Variants in TRIM65 observed in about 807,000 individuals in gnomAD.
TRIM65 encodes tripartite motif containing 65.
TRIM65 carries 46 observed loss-of-function variants against 36.1 expected under a neutral mutation model. That is an observed-to-expected ratio of 1.27 (90% CI 1.01 to 1.63). The LOEUF is 1.63. Among genes scored for constraint, TRIM65 ranks in the 40% most tolerant of loss-of-function variants. The pLI is 0.00. For synonymous variants in TRIM65, 346 were observed against 313.6 expected (o/e 1.10, Z -1.09); for missense variants, 708 against 696.6 (o/e 1.02, Z -0.18).
rs986766694 is a variant in TRIM65 at position 75,896,436 on chromosome 17, G to A, written c.414+88C>T. The A allele has an allele frequency of 5.7e-6, 7 of 1,226,010 alleles. No individual in the cohort carries two copies. The South Asian group carries it at 2.1e-4, about 37-fold the overall frequency. The allele number at this position is 1,226,010 out of a possible 1,614,324, so 75.9% of individuals were successfully genotyped here. On this transcript the variant is annotated intron_variant, in intron 1 of 5. Transcript: ENST00000269383. ...CTCCCCGCCCCCGCCGGGTGCCCGA[G>A]AGAGCAGGGCGCGGCCCGCAGGAGT...
At chr17:75,892,240 C>T (rs753626096) in intron 3 of TRIM65, 27 bp downstream of exon 3, 25 of 1,598,336 alleles carry the variant, frequency 1.6e-5, no homozygotes, top group African/African-American at 5.4e-5. Context: ...GAAGCAAGTC[C>T]GCCACCTATG....
At position 75,896,515 on chromosome 17, in the gene TRIM65, A is replaced by T; in HGVS notation, c.414+9T>A. The T allele has an allele frequency of 7.6e-7, 1 of 1,318,716 alleles. No individual in the cohort carries two copies. Among genetic ancestry groups the T allele is most frequent in the Non-Finnish European group, 9.6e-7 (1 of 1,036,518 alleles). 81.7% of individuals were successfully genotyped at this position (1,318,716 alleles called of 1,614,324 possible). A position where few individuals can be genotyped will look rare whatever the true frequency, so the allele number is the denominator to read the frequency against. On this transcript the variant is annotated intron_variant, in intron 1 of 5. Transcript: ENST00000269383. ...TCCGGACCCCTCCCGCTCCCGGCGG[A>T]TGCGTCACCTCGCGCTTGAGGCGCT...
At chr17:75,896,447 G>T in intron 1 of TRIM65, 77 bp downstream of exon 1, 5 of 1,262,460 alleles carry the variant, frequency 4.0e-6, no homozygotes, top group Middle Eastern at 3.1e-4. Flanking sequence ...AGAGCAGGGC[G>T]CGGCCCGCAG....
rs61755877 is a variant in TRIM65 at position 75,892,350 on chromosome 17, G to A, written c.661C>T (p.Arg221Trp). 5,437 of 1,613,060 alleles carry A rather than the reference G, an allele frequency of 3.4e-3. 102 individuals carry two copies. The highest frequency in any genetic ancestry group is 0.031 in the South Asian group (2,783 of 91,054). Residue 221 changes from arginine to tryptophan, a missense_variant, in exon 3 of 6, where the codon CGG becomes TGG. Transcript: ENST00000269383. ...AQARDEEQRL[R>W]VHLEAVARHG... ...CGAGCCACAGCCTCCAAATGGACCC[G>A]CAGCCGCTGCTCCTCGTCTCGAGCC... is the stretch of plus-strand genomic sequence containing the variant.
At position 75,892,074 on chromosome 17, in the gene TRIM65, G is replaced by T. The variant is rs972567731; in HGVS notation, c.856C>A (p.Leu286Ile). 3 of 1,552,134 alleles carry T rather than the reference G, an allele frequency of 1.9e-6. No homozygotes were observed. The highest frequency in any genetic ancestry group is 2.6e-6 in the Non-Finnish European group (3 of 1,147,270). Residue 286 changes from leucine (L) to isoleucine (I), a missense_variant, in exon 4 of 6, where the codon CTC becomes ATC. Transcript: ENST00000269383. ...GGGTGGCTCCCCTCTTCCAAGAGGA[G>T]GCCACACAGCCGGCTTAGCAACTGC... ...LKQLLSRLCG[L>I]LLEEGSHPGA... is the part of the protein sequence containing the mutation.
At chr17:75,880,436 G>A (rs2143988582) in exon 5 of TRIM65, 1 of 149,924 alleles carries the variant, frequency 6.7e-6, no homozygotes, top group East Asian at 1.9e-4. Flanking sequence ...AGGATTACAG[G>A]CGTGAGCCAC....
At chr17:75,888,170 TAAATAA>T (rs1567840717), downstream of TRIM65, among the ~76,000 whole-genome samples, 29 of 109,646 alleles carry the variant, frequency 2.6e-4, no homozygotes, top group African/African-American at 8.3e-4. Context: ...AATATATAAA[TAAATAA>T]ATAAATAAAT....
intron 1 of TRIM65, among the ~76,000 whole-genome samples, chr17:75,894,870 C>T (rs1030986440): frequency 2.0e-5 from 3 of 152,224 alleles, no homozygotes; most frequent in Admixed American, 6.5e-5. Flanking sequence ...CTGCTCCTGG[C>T]GGCAGCACCC....
chr17:75,894,253 C>T (rs916644061), intron 1 of TRIM65, among the ~76,000 whole-genome samples: 5 of 152,124 alleles, frequency 3.3e-5, no homozygotes, highest in Non-Finnish European at 5.9e-5. Context: ...CCTGTCCCAT[C>T]CAGCGTCCCT....
chr17:75,881,235 C>CAAAAAAAAAAAAAAAAAAAAAAAAAAAA (rs58718762), intron 4 of TRIM65, among the ~76,000 whole-genome samples: 1 of 110,274 alleles, frequency 9.1e-6, no homozygotes, highest in African/African-American at 3.1e-5. Context: ...GACTCCATCT[C>CAAAAAAAAAAAAAAAAAAAAAAAAAAAA]AAAAAAAAAA....
In TRIM65 at chr17:75,892,131, A is replaced by C; in HGVS notation, c.799T>G (p.Trp267Gly). The change falls in exon 4 of 6, where the codon TGG becomes GGG. Residue 267 changes from tryptophan to glycine, a missense_variant. Trp to Gly is a radical substitution (Grantham distance 184). Coordinates refer to ENST00000269383, the MANE Select transcript of TRIM65 (RefSeq NM_173547.4). ...GPLGPLTPLQ[W>G]DEDQQLGDLK... ...TCACCCAGCTGTTGGTCTTCATCCC[A>C]CTGCAGAGGGGTCAGTGGCCCAAGA... 6.4e-7 allele frequency: 1 copy of C among 1,564,838 alleles called. No individual in the cohort carries two copies. The highest frequency in any genetic ancestry group is 8.7e-7 in the Non-Finnish European group (1 of 1,154,390).
At chr17:75,881,712 T>C (rs1009720736) in intron 4 of TRIM65, among the ~76,000 whole-genome samples, 5 of 150,588 alleles carry the variant, frequency 3.3e-5, no homozygotes, top group Non-Finnish European at 5.9e-5. Context: ...CGGTGCAATC[T>C]GCTCCTGGGG....
At chr17:75,881,605 C>A (rs1178179178) in intron 4 of TRIM65, among the ~76,000 whole-genome samples, 1 of 150,674 alleles carries the variant, frequency 6.6e-6, no homozygotes, top group African/African-American at 2.5e-5. Flanking sequence ...GAAGACCCCA[C>A]CTCCTAGGAC....
chr17:75,881,255 AAAG>A (rs1175528294), intron 4 of TRIM65, among the ~76,000 whole-genome samples: 6 of 147,870 alleles, frequency 4.1e-5, no homozygotes, highest in Non-Finnish European at 7.4e-5. Context: ...AAAAAAAAAA[AAAG>A]AAAAGAAAAG....
At position 75,891,168 on chromosome 17, in the gene TRIM65, G is replaced by GC; in HGVS notation, c.1164dup (p.Arg389AlafsTer107). On this transcript the variant is annotated frameshift_variant, in exon 6 of 6. Coordinates refer to ENST00000269383, the MANE Select transcript of TRIM65 (RefSeq NM_173547.4). LOFTEE classifies it low-confidence loss of function (END_TRUNC). Reference sequence around the variant, plus strand: ...AGTGTCACCGAGTGGTCTGACGCGCGCACCTCCCAGTAGTGGTGCCCGGCC... The same window carrying GC: ...AGTGTCACCGAGTGGTCTGACGCGCGCCACCTCCCAGTAGTGGTGCCCGGCC... 6.2e-7 allele frequency: 1 copy of GC among 1,609,762 alleles called. No individual in the cohort carries two copies. Among genetic ancestry groups the GC allele is most frequent in the Non-Finnish European group, 8.5e-7 (1 of 1,179,954 alleles).
chr17:75,892,725 A>G lies in TRIM65; in HGVS notation c.510+30T>C, dbSNP rs9916659. The G allele has an allele frequency of 5.4e-3, 8,610 of 1,588,718 alleles. 293 individuals carry two copies. The African/African-American group carries it at 0.082, about 15-fold the overall frequency. Reference sequence around the variant, plus strand: ...CCGCCCCAGGATGCAGTGTGAGGCCATGGTGGGCGGGCAGGCACAGGCCTC... The same window carrying G: ...CCGCCCCAGGATGCAGTGTGAGGCCGTGGTGGGCGGGCAGGCACAGGCCTC... On this transcript the variant is annotated intron_variant, in intron 2 of 5. Coordinates refer to ENST00000269383, the MANE Select transcript of TRIM65 (RefSeq NM_173547.4).
intron 2 of TRIM65, 99 bp from the exon 3 acceptor site, chr17:75,892,599 G>A: frequency 5.4e-6 from 7 of 1,285,252 alleles, no homozygotes; most frequent in Non-Finnish European, 7.6e-6. Flanking sequence ...GGTCAGGGAT[G>A]TGGGGAGGCA....
At chr17:75,886,566 A>G (rs1285104918), downstream of TRIM65, among the ~76,000 whole-genome samples, 1 of 151,608 alleles carries the variant, frequency 6.6e-6, no homozygotes, top group East Asian at 1.9e-4. Context: ...TCCTTTATAA[A>G]TTGCCCAGTC....
At chr17:75,891,947 AC>A (rs1020418627) in intron 4 of TRIM65, 63 bp downstream of exon 4, 14 of 1,557,126 alleles carry the variant, frequency 9.0e-6, no homozygotes, top group Admixed American at 5.8e-5. Flanking sequence ...ACCCGCCTCC[AC>A]CCCCCCAGCG....
Sources: allele counts gnomAD v4.1 joint callset (sites outside exome capture counted in the v4.1 genomes callset), GRCh38; gene constraint gnomAD v4.1.1; transcripts MANE v1.5; gene names NCBI Gene and HGNC (gene_info 2026-07-23, HGNC 2026-07-21).